The following USP6NL variants were observed in gnomAD, a reference collection of about 807,000 sequenced individuals.
USP6NL encodes USP6 N-terminal like.
A neutral mutation model predicts 61.9 loss-of-function variants in USP6NL; 26 were observed. The ratio of observed to expected loss-of-function variants is 0.42; its 90% CI spans 0.31 to 0.58. The LOEUF (loss-of-function observed/expected upper bound fraction) is 0.58. Among genes scored for constraint, USP6NL ranks in the 20% least tolerant of loss-of-function variants. The pLI, the probability that USP6NL is intolerant of heterozygous loss-of-function variation, is 0.16. For missense variants in USP6NL, 1,114 were observed against 1,034.3 expected (o/e 1.08, Z -1.06); for synonymous variants, 432 against 390.1 (o/e 1.11, Z -1.27).
Position 11,485,100 on chromosome 10 carries a change from T to A in USP6NL, c.826-30A>T. On this transcript the variant is annotated intron_variant, in intron 12 of 14. Coordinates refer to ENST00000609104, the MANE Select transcript of USP6NL (RefSeq NM_014688.5). This position sits in a 1 kb window ranked among gnomAD's most constrained non-coding sequence, Gnocchi z 4.8. ...AATTAAAAGCAAAACAAAACAAAAATAGGGTTAACAGCTTCCCCTCACCTT... is the reference window on the plus strand; with the variant it reads ...AATTAAAAGCAAAACAAAACAAAAAAAGGGTTAACAGCTTCCCCTCACCTT... The A allele has an allele frequency of 6.5e-7, 1 of 1,536,388 alleles. No homozygotes were observed. Among genetic ancestry groups the A allele is most frequent in the African/African-American group, 1.4e-5 (1 of 72,188 alleles).
chr10:11,581,416 T>G (rs1837768388), intron 2 of USP6NL, among the ~76,000 whole-genome samples: 1 of 152,378 alleles, frequency 6.6e-6, no homozygotes, highest in Middle Eastern at 3.4e-3. Flanking sequence ...CAAATTCTTT[T>G]GATCATACGA....
Position 11,518,285 on chromosome 10 carries a change from A to T in USP6NL, c.195+250T>A, listed in dbSNP as rs1468357441. 6.6e-6 allele frequency among the ~76,000 whole-genome samples: 1 copy of T among 152,180 alleles called. No individual in the cohort carries two copies. Among genetic ancestry groups the T allele is most frequent in the Non-Finnish European group, 1.5e-5 (1 of 68,030 alleles). On this transcript the variant is annotated intron_variant, in intron 5 of 14. Transcript: ENST00000609104. This position sits in a 1 kb window ranked among gnomAD's most constrained non-coding sequence, Gnocchi z 5.3. Reference sequence around the variant, plus strand: ...TGCTCTCAAAGCCTCTCTGTTCTGAAGCACGCCTAGCTCAGGACCTGCCAG... The same window carrying T: ...TGCTCTCAAAGCCTCTCTGTTCTGATGCACGCCTAGCTCAGGACCTGCCAG...
intron 14 of USP6NL, among the ~76,000 whole-genome samples, chr10:11,472,187 G>C (rs1217927885): frequency 6.6e-6 from 1 of 152,100 alleles, no homozygotes; most frequent in Non-Finnish European, 1.5e-5. Context: ...AAGCAAAAAT[G>C]TTTATTATTT....
At chr10:11,466,453 A>G (rs1421866061) in intron 14 of USP6NL, among the ~76,000 whole-genome samples, 1 of 152,234 alleles carries the variant, frequency 6.6e-6, no homozygotes, top group African/African-American at 2.4e-5. Context: ...CTGAATTTGA[A>G]TCTGCCACAA....
chr10:11,472,330 AC>A (rs1832787405), intron 14 of USP6NL, among the ~76,000 whole-genome samples: 1 of 151,924 alleles, frequency 6.6e-6, no homozygotes, highest in Admixed American at 6.6e-5. Context: ...GGTCTCTGTC[AC>A]CCCCCAGTGG....
rs1423826932 is a variant in USP6NL at position 11,487,613 on chromosome 10, G to A, written c.664+1489C>T. Among the ~76,000 whole-genome samples, 2 of 152,112 alleles carry A rather than the reference G, an allele frequency of 1.3e-5. No homozygotes were observed. Among genetic ancestry groups the A allele is most frequent in the Admixed American group, 6.5e-5 (1 of 15,268 alleles). On this transcript the variant is annotated intron_variant, in intron 10 of 14. Coordinates refer to ENST00000609104, the MANE Select transcript of USP6NL (RefSeq NM_014688.5). This position sits in a 1 kb window ranked among gnomAD's most constrained non-coding sequence, Gnocchi z 4.2. ...AAAATAAAGACTGACAGGGAAGAGC[G>A]GCTTTCTTCAAGATGCCTTTTGGAA...
rs947385029 is a variant in USP6NL, at chr10:11,463,914, C to T, written c.1079-65G>A. 37 of 1,395,942 alleles carry T rather than the reference C, an allele frequency of 2.7e-5. No individual in the cohort carries two copies. The highest frequency in any genetic ancestry group is 3.7e-4 in the Middle Eastern group (2 of 5,460). 86.5% of individuals were successfully genotyped at this position (1,395,942 alleles called of 1,614,324 possible). ...GTAAACAGTAGCCAGTTGAAGCAAT[C>T]CATTAGTAACAATGGCATGCTTTTC... On this transcript the variant is annotated intron_variant, in intron 14 of 14. Coordinates refer to ENST00000609104, the MANE Select transcript of USP6NL (RefSeq NM_014688.5). This position sits in a 1 kb window ranked among gnomAD's most constrained non-coding sequence, Gnocchi z 6.3.
rs1191201459 is a variant in USP6NL, at chr10:11,587,789, G to A, written c.4+9842C>T. ...GATCTCTCGATAAAAGCCAAAAGCC[G>A]TCTCATTTCAACGCCATCTCATATT... On this transcript the variant is annotated intron_variant, in intron 2 of 14. Coordinates refer to ENST00000609104, the MANE Select transcript of USP6NL (RefSeq NM_014688.5). This position sits in a 1 kb window ranked among gnomAD's most constrained non-coding sequence, Gnocchi z 4.5. Among the ~76,000 whole-genome samples the A allele has an allele frequency of 2.6e-5, 4 of 152,118 alleles. No homozygotes were observed. The highest frequency in any genetic ancestry group is 2.1e-4 in the South Asian group (1 of 4,824).
intron 2 of USP6NL, among the ~76,000 whole-genome samples, chr10:11,547,519 C>A (rs1423476457): frequency 6.6e-6 from 1 of 151,500 alleles, no homozygotes; most frequent in Non-Finnish European, 1.5e-5. Flanking sequence ...CACATTTAAT[C>A]AAGCTCATAA....
Position 11,585,860 on chromosome 10 carries a change from A to C in USP6NL, c.4+11771T>G, listed in dbSNP as rs1015416595. Among the ~76,000 whole-genome samples, 1 of 152,174 alleles carries C rather than the reference A, an allele frequency of 6.6e-6. No homozygotes were observed. The highest frequency in any genetic ancestry group is 1.5e-5 in the Non-Finnish European group (1 of 68,034). On this transcript the variant is annotated intron_variant, in intron 2 of 14. Coordinates refer to ENST00000609104, the MANE Select transcript of USP6NL (RefSeq NM_014688.5). The surrounding 1 kb of genome is among the most constrained non-coding windows in gnomAD (Gnocchi z 4.5). ...TAAATACATTGTGCTGAGTTAAACC[A>C]GTTACAAAAATACAAATACTGAATG...
chr10:11,586,958 T>C (rs999817665), intron 2 of USP6NL, among the ~76,000 whole-genome samples: 2 of 152,124 alleles, frequency 1.3e-5, no homozygotes, highest in African/African-American at 4.8e-5. Flanking sequence ...AGCTGGAAGG[T>C]TTCCTTAAAG....
chr10:11,586,591 T>C (rs1188515253), intron 2 of USP6NL, among the ~76,000 whole-genome samples: 1 of 152,186 alleles, frequency 6.6e-6, no homozygotes, highest in African/African-American at 2.4e-5. Context: ...TAAACAATTC[T>C]AGAAGATCAT....
chr10:11,526,988 T>A (rs1417688200), intron 3 of USP6NL, among the ~76,000 whole-genome samples: 4 of 152,150 alleles, frequency 2.6e-5, no homozygotes, highest in Non-Finnish European at 5.9e-5. Context: ...ATACTTAACT[T>A]AGTCAAGTAT....
rs1194345526 is a variant in USP6NL, at chr10:11,509,581, T to C, written c.276+14A>G. 5 of 1,534,822 alleles carry C rather than the reference T, an allele frequency of 3.3e-6. No homozygotes were observed. The highest frequency in any genetic ancestry group is 4.4e-6 in the Non-Finnish European group (5 of 1,136,912). The stretch of plus-strand genomic sequence containing the variant: ...TTATATAGTTTCATATGGAAAAACA[T>C]GATTTTAAATTACCTTTTCAGTGTT... On this transcript the variant is annotated intron_variant, in intron 6 of 14. Transcript: ENST00000609104.
intron 4 of USP6NL, among the ~76,000 whole-genome samples, chr10:11,522,549 G>C (rs1381163007): frequency 1.3e-5 from 2 of 152,172 alleles, no homozygotes; most frequent in Non-Finnish European, 2.9e-5. Flanking sequence ...AATAAGGCTT[G>C]ACATTACCCT....
chr10:11,559,537 T>C (rs1230416088), intron 2 of USP6NL, among the ~76,000 whole-genome samples: 1 of 152,000 alleles, frequency 6.6e-6, no homozygotes, highest in Non-Finnish European at 1.5e-5. Flanking sequence ...CGACCTTTAT[T>C]ATTGAAATTT....
At chr10:11,529,873 G>A (rs754417584) in intron 2 of USP6NL, among the ~76,000 whole-genome samples, 1 of 152,092 alleles carries the variant, frequency 6.6e-6, no homozygotes, top group Non-Finnish European at 1.5e-5. Flanking sequence ...TCCCATGGCA[G>A]GCAGATCACT....
At chr10:11,497,478 G>T (rs1240689850) in intron 7 of USP6NL, among the ~76,000 whole-genome samples, 1 of 151,600 alleles carries the variant, frequency 6.6e-6, no homozygotes, top group African/African-American at 2.4e-5. Context: ...TTCAACTGTT[G>T]TTCTACAGGC....
chr10:11,553,749 A>G lies in USP6NL; in HGVS notation c.5-26182T>C, dbSNP rs1033685572. Among the ~76,000 whole-genome samples, 1 of 152,098 alleles carries G rather than the reference A, an allele frequency of 6.6e-6. No individual in the cohort carries two copies. Among genetic ancestry groups the G allele is most frequent in the Non-Finnish European group, 1.5e-5 (1 of 68,008 alleles). ...CGTCTCTACTAAAAATACAAAAATTAGCAAGGCATGGTGGTGGGCGCCTGT... is the reference window on the plus strand; with the variant it reads ...CGTCTCTACTAAAAATACAAAAATTGGCAAGGCATGGTGGTGGGCGCCTGT... On this transcript the variant is annotated intron_variant, in intron 2 of 14. Coordinates refer to ENST00000609104, the MANE Select transcript of USP6NL (RefSeq NM_014688.5). The surrounding 1 kb of genome is among the most constrained non-coding windows in gnomAD (Gnocchi z 4.8).
Sources: allele counts gnomAD v4.1 joint callset (sites outside exome capture counted in the v4.1 genomes callset), GRCh38; gene constraint gnomAD v4.1.1; non-coding constraint Gnocchi (gnomAD v3.1); transcripts MANE v1.5; gene names NCBI Gene and HGNC (gene_info 2026-07-23, HGNC 2026-07-21).